The following TRPC7 variants were observed in gnomAD, a reference collection of about 807,000 sequenced individuals.
The protein encoded by TRPC7 is short transient receptor potential channel 7.
A neutral mutation model predicts 90.1 loss-of-function variants in TRPC7; 42 were observed. That is an observed-to-expected ratio of 0.47 (90% CI 0.36 to 0.60). The LOEUF (loss-of-function observed/expected upper bound fraction) is 0.60, where lower values mean the gene tolerates loss of function less well. TRPC7 is among the 20% of genes least tolerant of loss of function. TRPC7 has a pLI of 0.00. For synonymous variants in TRPC7, 451 were observed against 436.3 expected (o/e 1.03, Z -0.42); for missense variants, 955 against 1,112.3 (o/e 0.86, Z 2.01).
At chr5:136,307,546 C>A (rs1161420193) in intron 3 of TRPC7, among the ~76,000 whole-genome samples, 1 of 152,214 alleles carries the variant, frequency 6.6e-6, no homozygotes, top group East Asian at 1.9e-4. Context: ...CAGGGGCTGA[C>A]AGTTAAGAGG....
chr5:136,343,902 T>C (rs996048175), intron 2 of TRPC7, among the ~76,000 whole-genome samples: 4 of 152,084 alleles, frequency 2.6e-5, no homozygotes, highest in Non-Finnish European at 5.9e-5. Context: ...AGAAATCCTG[T>C]TAAAAAGTGG....
chr5:136,331,117 T>A (rs558330080), intron 2 of TRPC7, among the ~76,000 whole-genome samples: 1 of 152,140 alleles, frequency 6.6e-6, no homozygotes, highest in Non-Finnish European at 1.5e-5. Flanking sequence ...GCATGGTGAC[T>A]GCTGCTCTGA....
chr5:136,233,919 G>C (rs1755899581), intron 7 of TRPC7, among the ~76,000 whole-genome samples: 4 of 152,086 alleles, frequency 2.6e-5, no homozygotes, highest in Admixed American at 2.0e-4. Flanking sequence ...CCTTCTCTTA[G>C]GTATTCTATA....
At chr5:136,346,964 T>C (rs1039036954) in intron 2 of TRPC7, among the ~76,000 whole-genome samples, 2 of 152,210 alleles carry the variant, frequency 1.3e-5, no homozygotes, top group Non-Finnish European at 2.9e-5. Context: ...CAATCCCAAA[T>C]GACTGGTGTC....
chr5:136,357,422 G>A, intron 1 of TRPC7, 37 bp from the exon 2 acceptor site: 5 of 1,548,470 alleles, frequency 3.2e-6, no homozygotes, highest in Non-Finnish European at 4.3e-6. Context: ...TTACTTTCCT[G>A]CGGATTCCCT....
chr5:136,327,783 C>A (rs984852403), intron 2 of TRPC7, among the ~76,000 whole-genome samples: 3 of 152,308 alleles, frequency 2.0e-5, no homozygotes, highest in Admixed American at 6.5e-5. Context: ...ACCTTCAGTA[C>A]CCTTTGGCTA....
rs759683544 is a variant in TRPC7, at chr5:136,247,512, G to A, written c.1803C>T (p.Tyr601=). The change falls in exon 7 of 12, where the codon TAC becomes TAT. Residue 601 remains tyrosine, a synonymous_variant. Coordinates refer to ENST00000513104, the MANE Select transcript of TRPC7 (RefSeq NM_020389.3). The surrounding 1 kb of genome is among the most constrained non-coding windows in gnomAD (Gnocchi z 4.2). The part of the protein sequence containing the change: ...VAFMIGMFNL[Y]SYYRGAKYNP... ...TGTATTTGGCACCTCGGTAGTAAGA[G>A]TACAGGTTGAACATCCCAATCATGA... 2 of 1,613,962 alleles carry A rather than the reference G, an allele frequency of 1.2e-6. No homozygotes were observed. Among genetic ancestry groups the A allele is most frequent in the Admixed American group, 3.3e-5 (2 of 60,006 alleles).
chr5:136,302,728 A>G (rs2149832414), intron 3 of TRPC7, among the ~76,000 whole-genome samples: 1 of 152,310 alleles, frequency 6.6e-6, no homozygotes. Context: ...GGAAAATGGC[A>G]CTTTCAATGT....
chr5:136,233,391 A>G (rs1257964021), intron 7 of TRPC7, among the ~76,000 whole-genome samples: 1 of 152,194 alleles, frequency 6.6e-6, no homozygotes, highest in Non-Finnish European at 1.5e-5. Flanking sequence ...TTTGTGTGAA[A>G]AAGATGTCAT....
Position 136,365,478 on chromosome 5 carries a change from T to C in TRPC7, c.-224A>G. On this transcript the variant is annotated 5_prime_UTR_variant, in exon 1 of 12. It removes the in-frame stop codon of an upstream open reading frame in the 5' UTR. Coordinates refer to ENST00000513104, the MANE Select transcript of TRPC7 (RefSeq NM_020389.3). ...CTCGCCTTCCGAGGCAGAACCGTGT[T>C]ACCGTCCTTTTCCTAATCGGGGGGA... 3.5e-6 allele frequency: 2 copies of C among 578,506 alleles called. No homozygotes were observed. The highest frequency in any genetic ancestry group is 3.1e-6 in the Non-Finnish European group (1 of 325,534). The allele number at this position is 578,506 out of a possible 1,614,324, so 35.8% of individuals were successfully genotyped here.
At chr5:136,226,419 C>T in intron 8 of TRPC7, 164 bp from the exon 9 acceptor site, 1 of 610,676 alleles carries the variant, frequency 1.6e-6, no homozygotes, top group Non-Finnish European at 2.9e-6. Context: ...AGTTTGCTCT[C>T]ACTAAAACCA....
intron 2 of TRPC7, among the ~76,000 whole-genome samples, chr5:136,329,862 C>T (rs1759446934): frequency 6.6e-6 from 1 of 152,182 alleles, no homozygotes; most frequent in Non-Finnish European, 1.5e-5. Flanking sequence ...GCTTTTCCTG[C>T]TGGTTCAACT....
chr5:136,356,259 G>A (rs146935612), intron 2 of TRPC7, among the ~76,000 whole-genome samples: 22 of 152,298 alleles, frequency 1.4e-4, no homozygotes, highest in African/African-American at 4.8e-4. Flanking sequence ...ATAACCACAG[G>A]TCCTTAGGTG....
chr5:136,315,929 G>T, intron 2 of TRPC7, 150 bp from the exon 3 acceptor site: 3 of 736,300 alleles, frequency 4.1e-6, no homozygotes, highest in South Asian at 1.9e-5. Context: ...GGATGTGCTG[G>T]GTGCAGAAGG....
At chr5:136,277,399 T>C (rs1372976608) in intron 3 of TRPC7, among the ~76,000 whole-genome samples, 1 of 152,264 alleles carries the variant, frequency 6.6e-6, no homozygotes, top group Non-Finnish European at 1.5e-5. Context: ...TAATAAGATA[T>C]CAGCTGTGGA....
intron 3 of TRPC7, among the ~76,000 whole-genome samples, chr5:136,300,715 C>T (rs150451500): frequency 3.5e-4 from 53 of 152,320 alleles, no homozygotes; most frequent in African/African-American, 1.2e-3. Context: ...ACTCTAGGGC[C>T]AGCCTGGAAC....
chr5:136,305,676 C>T (rs1282927553), intron 3 of TRPC7, among the ~76,000 whole-genome samples: 2 of 152,264 alleles, frequency 1.3e-5, no homozygotes, highest in South Asian at 2.1e-4. Context: ...AGACATAATT[C>T]CTCAGTTTAG....
intron 5 of TRPC7, among the ~76,000 whole-genome samples, chr5:136,255,794 G>A (rs1011426044): frequency 6.6e-6 from 1 of 152,182 alleles, no homozygotes; most frequent in African/African-American, 2.4e-5. Flanking sequence ...TATTTTTACA[G>A]CTAATGAGAC....
intron 3 of TRPC7, among the ~76,000 whole-genome samples, chr5:136,279,993 A>G (rs1371159410): frequency 1.3e-5 from 2 of 150,242 alleles, no homozygotes; most frequent in Non-Finnish European, 3.0e-5. Flanking sequence ...TCTCTACTGA[A>G]AAAAAAAAAT....
Sources: gnomAD v4.1 joint callset for allele counts (sites outside exome capture counted in the v4.1 genomes callset) on GRCh38, gnomAD v4.1.1 for gene constraint, Gnocchi (gnomAD v3.1) non-coding constraint, MANE v1.5 for transcripts, NCBI Gene and HGNC (gene_info 2026-07-23, HGNC 2026-07-21) for gene names.